Variants in ZFYVE16 observed in about 807,000 individuals in gnomAD.
ZFYVE16 encodes zinc finger FYVE-type containing 16, also known as zinc finger FYVE domain-containing protein 16.
In ZFYVE16, 89 loss-of-function variants were observed where a neutral mutation model predicts 138.1. That is an observed-to-expected ratio of 0.64 (90% confidence interval 0.54 to 0.77). ZFYVE16 has a LOEUF of 0.77. ZFYVE16 is among the 30% of genes least tolerant of loss of function. ZFYVE16 has a pLI of 0.00. For synonymous variants in ZFYVE16, 596 were observed against 618.3 expected (o/e 0.96, Z 0.53); for missense variants, 1,793 against 1,786.7 (o/e 1.00, Z -0.06).
At chr5:80,466,186 A>G (rs773170083) in intron 15 of ZFYVE16, among the ~76,000 whole-genome samples, 1 of 152,086 alleles carries the variant, frequency 6.6e-6, no homozygotes, top group Non-Finnish European at 1.5e-5. Context: ...TCAACCTCCC[A>G]AAGTGCTGGG....
At chr5:80,445,575 AAG>A (rs766382245) in intron 7 of ZFYVE16, among the ~76,000 whole-genome samples, 170 bp downstream of exon 7, 3 of 151,878 alleles carry the variant, frequency 2.0e-5, no homozygotes, top group Non-Finnish European at 4.4e-5. Flanking sequence ...CTTTAAAAAA[AAG>A]AGAGAGACAG....
intron 1 of ZFYVE16, chr5:80,410,472 TTGTC>T (rs1287497015): frequency 6.6e-6 from 1 of 152,216 alleles, no homozygotes; most frequent in African/African-American, 2.4e-5. Context: ...ATCTTACTAG[TTGTC>T]TGTTGATGTT....
chr5:80,441,584 G>A, intron 5 of ZFYVE16: 1 of 985,156 alleles, frequency 1.0e-6, no homozygotes, highest in South Asian at 4.7e-5. Context: ...CATGGGTTGT[G>A]AGACATATGC....
At chr5:80,470,224 C>T (rs1754231766) in intron 15 of ZFYVE16, among the ~76,000 whole-genome samples, 1 of 150,990 alleles carries the variant, frequency 6.6e-6, no homozygotes, top group Admixed American at 6.6e-5. Context: ...GCCTCAGCCT[C>T]CCGAGTAGCT....
chr5:80,438,145 C>T lies in ZFYVE16; in HGVS notation c.1460C>T (p.Thr487Ile). 1 of 1,613,930 alleles carries T rather than the reference C, an allele frequency of 6.2e-7. No homozygotes were observed. The highest frequency in any genetic ancestry group is 8.5e-7 in the Non-Finnish European group (1 of 1,179,936). ...VVESQEGLSGTHVPESSDCCE... is the reference protein window; with the variant it reads ...VVESQEGLSGIHVPESSDCCE... ...GAATCTCAAGAGGGGCTTTCTGGCA[C>T]TCATGTCCCAGAGTCTTCTGATTGT... The change falls in exon 4 of 19, where the codon ACT (threonine) becomes ATT (isoleucine). Residue 487 changes from threonine to isoleucine, a missense_variant. By Grantham distance (89) the Thr-to-Ile change is moderately conservative. Transcript: ENST00000505560.
intron 11 of ZFYVE16, among the ~76,000 whole-genome samples, chr5:80,453,258 A>C (rs1369940066): frequency 6.6e-6 from 1 of 152,206 alleles, no homozygotes; most frequent in Non-Finnish European, 1.5e-5. Context: ...TTTAATTTGC[A>C]TCTCAGGTTT....
chr5:80,427,043 C>CT (rs79193578), intron 1 of ZFYVE16, among the ~76,000 whole-genome samples: 9,464 of 144,546 alleles, frequency 0.065, 491 homozygotes, highest in African/African-American at 0.14. Context: ...ATATAAATGT[C>CT]TTTTTTTTTT....
intron 15 of ZFYVE16, among the ~76,000 whole-genome samples, chr5:80,464,030 G>C (rs1361750153): frequency 6.6e-6 from 1 of 152,140 alleles, no homozygotes; most frequent in African/African-American, 2.4e-5. Flanking sequence ...CAAGTCTCTA[G>C]GAAGTTTCAA....
At chr5:80,410,607 T>C (rs1745274579) in intron 1 of ZFYVE16, among the ~76,000 whole-genome samples, 1 of 152,188 alleles carries the variant, frequency 6.6e-6, no homozygotes, top group South Asian at 2.1e-4. Context: ...AGTCTCGCTC[T>C]TTCGCCAGGC....
chr5:80,450,381 T>C, intron 9 of ZFYVE16, 50 bp from the exon 10 acceptor site: 1 of 1,563,008 alleles, frequency 6.4e-7, no homozygotes, highest in Non-Finnish European at 8.7e-7. Context: ...TTCTTAGTTT[T>C]TTGACTAATA....
intron 1 of ZFYVE16, among the ~76,000 whole-genome samples, chr5:80,419,964 A>G (rs1179451428): frequency 1.3e-5 from 2 of 151,002 alleles, no homozygotes; most frequent in African/African-American, 4.9e-5. Flanking sequence ...GGTACACTCC[A>G]CCACGCCTGG....
Position 80,459,405 on chromosome 5 carries a change from C to A in ZFYVE16, c.3944-9C>A. 6.2e-7 allele frequency: 1 copy of A among 1,607,918 alleles called. No individual in the cohort carries two copies. Among genetic ancestry groups the A allele is most frequent in the Non-Finnish European group, 8.5e-7 (1 of 1,177,620 alleles). ...TTTAAAACAAATAATTGTTGTATTT[C>A]TTGATCAGTGACAGGTGCAAGTTTT... On this transcript the variant is annotated splice_polypyrimidine_tract_variant and intron_variant, in intron 14 of 18. Coordinates refer to ENST00000505560, the MANE Select transcript of ZFYVE16 (RefSeq NM_001284236.3).
rs867027163 is a variant in ZFYVE16, at chr5:80,480,325, A to G, written c.*2948A>G. On this transcript the variant is annotated 3_prime_UTR_variant, in exon 19 of 19. Coordinates refer to ENST00000505560, the MANE Select transcript of ZFYVE16 (RefSeq NM_001284236.3). ...AGAATATACATAAAAACTGCACTTTAAAACTCAGTAAATAGATGTAATAGA... is the reference window on the plus strand; with the variant it reads ...AGAATATACATAAAAACTGCACTTTGAAACTCAGTAAATAGATGTAATAGA... Among the ~76,000 whole-genome samples, 1 of 152,234 alleles carries G rather than the reference A, an allele frequency of 6.6e-6. No homozygotes were observed. Among genetic ancestry groups the G allele is most frequent in the Non-Finnish European group, 1.5e-5 (1 of 68,034 alleles).
In ZFYVE16 at chr5:80,469,861, C is replaced by T. The variant is rs549772943; in HGVS notation, c.4025-2900C>T. ...CTATTAAGTCTCTCCTTTGGGCTTT[C>T]AGTTTTAGTTAGATTGTACTTTTCT... On this transcript the variant is annotated intron_variant, in intron 15 of 18. Coordinates refer to ENST00000505560, the MANE Select transcript of ZFYVE16 (RefSeq NM_001284236.3). Among the ~76,000 whole-genome samples, 931 of 149,722 alleles carry T rather than the reference C, an allele frequency of 6.2e-3. 3 individuals are homozygous for T. The highest frequency in any genetic ancestry group is 9.3e-3 in the Non-Finnish European group (625 of 67,430).
chr5:80,460,353 T>C (rs1561317326), intron 15 of ZFYVE16, among the ~76,000 whole-genome samples: 1 of 152,196 alleles, frequency 6.6e-6, no homozygotes, highest in Non-Finnish European at 1.5e-5. Context: ...TGACTTGTAG[T>C]TACATAATTT....
rs1750320444 is a variant in ZFYVE16 at position 80,438,833 on chromosome 5, T to G, written c.2148T>G (p.Ser716=). The change falls in exon 4 of 19, where the codon TCT becomes TCG. Residue 716 remains serine, a synonymous_variant. Coordinates refer to ENST00000505560, the MANE Select transcript of ZFYVE16 (RefSeq NM_001284236.3). ...IDIESNSEGG[S]SFVTANEDSV... is the part of the protein sequence containing the mutation. The stretch of plus-strand genomic sequence containing the variant: ...TAGAAAGTAATTCTGAAGGTGGATC[T>G]AGTTTCGTAACTGCAAATGAAGATT... The G allele has an allele frequency of 6.2e-7, 1 of 1,614,032 alleles. No individual in the cohort carries two copies. Among genetic ancestry groups the G allele is most frequent in the African/African-American group, 1.3e-5 (1 of 74,944 alleles).
At chr5:80,421,518 G>A (rs985955096) in intron 1 of ZFYVE16, among the ~76,000 whole-genome samples, 1 of 152,138 alleles carries the variant, frequency 6.6e-6, no homozygotes, top group African/African-American at 2.4e-5. Flanking sequence ...TTTATGGCTA[G>A]CCAGTTTTCC....
At chr5:80,441,648 A>G (rs1750724027) in intron 5 of ZFYVE16, 1 of 982,492 alleles carries the variant, frequency 1.0e-6, no homozygotes, top group Non-Finnish European at 1.2e-6. Flanking sequence ...GATAATGAGA[A>G]AGCTGTCCTG....
chr5:80,463,814 G>T (rs1022577038), intron 15 of ZFYVE16, among the ~76,000 whole-genome samples: 1 of 152,136 alleles, frequency 6.6e-6, no homozygotes, highest in Non-Finnish European at 1.5e-5. Context: ...AATTTCTTCC[G>T]CCAGATACCC....
Sources: gnomAD v4.1 joint callset for allele counts (sites outside exome capture counted in the v4.1 genomes callset) on GRCh38, gnomAD v4.1.1 for gene constraint, MANE v1.5 for transcripts, NCBI Gene and HGNC (gene_info 2026-07-23, HGNC 2026-07-21) for gene names.